Variants in RIPOR2 observed in about 807,000 individuals in gnomAD.
RIPOR2 encodes the protein RHO family interacting cell polarization regulator 2.
In RIPOR2, 39 loss-of-function variants were observed where a neutral mutation model predicts 114.5. That is an observed-to-expected ratio of 0.34 (90% CI 0.26 to 0.44). The LOEUF is 0.44. Ranked by LOEUF, RIPOR2 falls within the 20% of genes least tolerant of loss-of-function variation. RIPOR2 has a pLI of 1.00. For missense variants in RIPOR2, 1,007 were observed against 1,255.1 expected, an observed-to-expected ratio of 0.80 and a Z score of 2.99; for synonymous variants, 445 against 484.4, an observed-to-expected ratio of 0.92 and a Z score of 1.07.
At chr6:24,806,754 C>T (rs1395279880) in intron 21 of RIPOR2, among the ~76,000 whole-genome samples, 1 of 152,126 alleles carries the variant, frequency 6.6e-6, no homozygotes, top group Non-Finnish European at 1.5e-5. Flanking sequence ...TTGATGATTT[C>T]ATATAATCGA....
At chr6:24,916,849 A>G (rs1042580700) in intron 1 of RIPOR2, among the ~76,000 whole-genome samples, 2 of 152,204 alleles carry the variant, frequency 1.3e-5, no homozygotes, top group Non-Finnish European at 2.9e-5. Flanking sequence ...CCGGAGGTTC[A>G]GAAGTCAGTC....
intron 19 of RIPOR2, among the ~76,000 whole-genome samples, chr6:24,821,772 A>C (rs1412605014): frequency 1.3e-5 from 2 of 152,230 alleles, no homozygotes; most frequent in African/African-American, 4.8e-5. Context: ...CTGTCCCTGA[A>C]GTGCCACTTG....
At chr6:24,839,552 G>T in intron 13 of RIPOR2, 1 of 1,440,566 alleles carries the variant, frequency 6.9e-7, no homozygotes, top group Non-Finnish European at 9.5e-7. Context: ...TCACTGAGGA[G>T]GTTGAGGGAT....
chr6:24,920,809 A>T (rs1454561698), intron 1 of RIPOR2, among the ~76,000 whole-genome samples: 1 of 152,142 alleles, frequency 6.6e-6, no homozygotes, highest in Non-Finnish European at 1.5e-5. Context: ...AGCAGTCTTC[A>T]TTTCAGTAAA....
chr6:24,930,284 T>A (rs1030532349), intron 1 of RIPOR2, among the ~76,000 whole-genome samples: 1 of 152,218 alleles, frequency 6.6e-6, no homozygotes, highest in Non-Finnish European at 1.5e-5. Context: ...GTACTTTTAG[T>A]TTTCAACTCA....
At chr6:25,041,884 A>C (rs148823241) in exon 1 of RIPOR2, 1 of 702,834 alleles carries the variant, frequency 1.4e-6, no homozygotes, top group Non-Finnish European at 2.6e-6. Flanking sequence ...CTGTCCCTCC[A>C]TGGCCTGTTT....
intron 7 of RIPOR2, among the ~76,000 whole-genome samples, chr6:24,862,446 A>T (rs1339883821): frequency 1.3e-5 from 2 of 152,086 alleles, no homozygotes; most frequent in African/African-American, 2.4e-5. Flanking sequence ...AGAGGTTCTG[A>T]TTCTTCTATG....
At chr6:24,919,312 C>T (rs928430330) in intron 1 of RIPOR2, among the ~76,000 whole-genome samples, 3 of 152,166 alleles carry the variant, frequency 2.0e-5, no homozygotes, top group Admixed American at 1.3e-4. Context: ...TTCACGCCAC[C>T]GAAGTGTAAT....
At chr6:24,958,854 A>T (rs1773165024) in intron 1 of RIPOR2, among the ~76,000 whole-genome samples, 1 of 151,974 alleles carries the variant, frequency 6.6e-6, no homozygotes, top group Non-Finnish European at 1.5e-5. Context: ...AAGGACTCTG[A>T]GAGAAAATCC....
intron 1 of RIPOR2, among the ~76,000 whole-genome samples, chr6:24,972,174 T>C (rs867486310): frequency 6.6e-6 from 1 of 152,332 alleles, no homozygotes; most frequent in Middle Eastern, 3.4e-3. Context: ...GAAAAAAATT[T>C]ATATTTGAAT....
At chr6:24,998,266 G>C (rs980864491) in intron 1 of RIPOR2, among the ~76,000 whole-genome samples, 2 of 152,092 alleles carry the variant, frequency 1.3e-5, no homozygotes. Context: ...AATTCTTTGA[G>C]AATCTCAACA....
At chr6:24,972,288 C>A (rs1045456485) in intron 1 of RIPOR2, among the ~76,000 whole-genome samples, 1 of 152,172 alleles carries the variant, frequency 6.6e-6, no homozygotes, top group African/African-American at 2.4e-5. Flanking sequence ...TAAAAGTCAA[C>A]CATATGTAGT....
At chr6:25,002,799 C>T (rs554667662) in intron 1 of RIPOR2, among the ~76,000 whole-genome samples, 3 of 152,226 alleles carry the variant, frequency 2.0e-5, no homozygotes, top group East Asian at 3.9e-4. Context: ...AGTGGCAGTC[C>T]GAGGTGAATG....
intron 1 of RIPOR2, among the ~76,000 whole-genome samples, chr6:24,966,755 A>G (rs742953): frequency 0.17 from 25,483 of 152,196 alleles, 2,912 homozygotes; most frequent in East Asian, 0.54. Context: ...CCAGGGGGAG[A>G]ATAAGGACAG....
intron 1 of RIPOR2, among the ~76,000 whole-genome samples, chr6:24,974,182 G>C (rs1561818577): frequency 6.6e-6 from 1 of 152,136 alleles, no homozygotes; most frequent in Non-Finnish European, 1.5e-5. Flanking sequence ...CCAGGAGTTA[G>C]AGACCAGCCT....
intron 1 of RIPOR2, among the ~76,000 whole-genome samples, chr6:24,900,594 C>A (rs1484486946): frequency 6.6e-6 from 1 of 151,868 alleles, no homozygotes; most frequent in Admixed American, 6.6e-5. Flanking sequence ...CCCATCTCTA[C>A]AAAAAATACA....
chr6:24,983,071 G>T (rs1377317141), intron 1 of RIPOR2, among the ~76,000 whole-genome samples: 1 of 152,040 alleles, frequency 6.6e-6, no homozygotes, highest in African/African-American at 2.4e-5. Flanking sequence ...CTGCTAATTG[G>T]AGGATCTACT....
At chr6:25,034,065 C>T (rs1314561244) in intron 1 of RIPOR2, among the ~76,000 whole-genome samples, 8 of 148,852 alleles carry the variant, frequency 5.4e-5, no homozygotes, top group East Asian at 3.9e-4. Flanking sequence ...GAATTGGTAA[C>T]GTTTTAAAAC....
At chr6:25,033,633 T>C (rs561654780) in intron 1 of RIPOR2, among the ~76,000 whole-genome samples, 1 of 152,334 alleles carries the variant, frequency 6.6e-6, no homozygotes, top group African/African-American at 2.4e-5. Flanking sequence ...ATTATTCTAA[T>C]TCCAGGGCAA....
Sources: allele counts gnomAD v4.1 joint callset (sites outside exome capture counted in the v4.1 genomes callset), GRCh38; gene constraint gnomAD v4.1.1; transcripts MANE v1.5; gene names NCBI Gene and HGNC (gene_info 2026-07-23, HGNC 2026-07-21).